Variants in KIF27 observed in about 807,000 individuals in gnomAD.
KIF27 encodes kinesin family member 27.
In KIF27, 84 loss-of-function variants were observed where a neutral mutation model predicts 141.8. The ratio of observed to expected loss-of-function variants is 0.59; its 90% CI spans 0.50 to 0.71. The LOEUF is 0.71. KIF27 is among the 30% of genes least tolerant of loss of function. The pLI is 0.00. For synonymous variants in KIF27, 471 were observed against 569.5 expected (o/e 0.83, Z 2.46); for missense variants, 1,306 against 1,628.4 (o/e 0.80, Z 3.41).
intron 3 of KIF27, among the ~76,000 whole-genome samples, chr9:83,905,192 C>T (rs1954383854): frequency 6.6e-6 from 1 of 151,766 alleles, no homozygotes; most frequent in Admixed American, 6.6e-5. Context: ...AATCTCAGCT[C>T]ACTGCAAGCT....
chr9:83,907,503 T>A (rs998952147), intron 3 of KIF27, among the ~76,000 whole-genome samples: 2 of 152,034 alleles, frequency 1.3e-5, no homozygotes, highest in Non-Finnish European at 2.9e-5. Flanking sequence ...CAGAAAAGCA[T>A]AAATTGTTAT....
At chr9:83,851,539 G>A (rs1484739948) in intron 15 of KIF27, among the ~76,000 whole-genome samples, 2 of 152,068 alleles carry the variant, frequency 1.3e-5, no homozygotes, top group Non-Finnish European at 2.9e-5. Context: ...AAATATTTTC[G>A]TAGAGACGGT....
At chr9:83,887,559 T>C (rs946736064) in intron 8 of KIF27, among the ~76,000 whole-genome samples, 5 of 152,152 alleles carry the variant, frequency 3.3e-5, no homozygotes, top group African/African-American at 7.2e-5. Flanking sequence ...TTTACTGTAA[T>C]TGGAGAATGC....
At chr9:83,919,995 G>A (rs1767684522) in intron 1 of KIF27, among the ~76,000 whole-genome samples, 1 of 151,918 alleles carries the variant, frequency 6.6e-6, no homozygotes, top group Admixed American at 6.6e-5. Context: ...ACTTTGGGAG[G>A]CCAAGGCAGG....
intron 2 of KIF27, among the ~76,000 whole-genome samples, chr9:83,911,568 G>C (rs1955171668): frequency 6.6e-6 from 1 of 152,070 alleles, no homozygotes; most frequent in Non-Finnish European, 1.5e-5. Context: ...CTCTGAGACA[G>C]AGTCTTGCTC....
intron 11 of KIF27, 171 bp downstream of exon 11, chr9:83,880,126 G>A (rs397835020): frequency 1.9e-5 from 17 of 913,914 alleles, no homozygotes; most frequent in Non-Finnish European, 2.4e-5. Flanking sequence ...AATTCAATAA[G>A]TAGGTTTTAC....
At chr9:83,919,957 C>T (rs1358949742) in intron 1 of KIF27, among the ~76,000 whole-genome samples, 1 of 151,558 alleles carries the variant, frequency 6.6e-6, no homozygotes, top group Non-Finnish European at 1.5e-5. Flanking sequence ...TGGGGCCGGG[C>T]ACAGTGGTTC....
At position 83,859,739 on chromosome 9, in the gene KIF27, C is replaced by G. The variant is rs373087568; in HGVS notation, c.2935-368G>C. ...GTAGAGACAGGGTTTTACCATGTTG[C>G]CCAGGCTGGTCTCGAACTCCTGACC... is the stretch of plus-strand genomic sequence containing the variant. On this transcript the variant is annotated intron_variant, in intron 13 of 17. Transcript: ENST00000297814. 195 of 197,558 alleles carry G rather than the reference C, an allele frequency of 9.9e-4. 1 individual carries two copies. The East Asian group carries it at 0.011, about 11-fold the overall frequency. 12.2% of individuals were successfully genotyped at this position (197,558 alleles called of 1,614,324 possible). A position where few individuals can be genotyped will look rare whatever the true frequency, so the allele number is the denominator to read the frequency against.
At chr9:83,870,660 T>C in intron 11 of KIF27, 28 bp from the exon 12 acceptor site, 1 of 1,611,628 alleles carries the variant, frequency 6.2e-7, no homozygotes, top group Non-Finnish European at 8.5e-7. Context: ...GAAAACACCT[T>C]ATTGCTTTTA....
chr9:83,866,732 T>C (rs1034428513), intron 13 of KIF27, among the ~76,000 whole-genome samples: 3 of 151,882 alleles, frequency 2.0e-5, no homozygotes, highest in Non-Finnish European at 4.4e-5. Context: ...AAAAACTAGC[T>C]GGGCATGGTG....
In KIF27 at chr9:83,836,478, G is replaced by A. The variant is rs1024618697; in HGVS notation, c.*523C>T. ...TAAAAAGTCAGGACTGACCGTTTCT[G>A]TGAGTTCTGAGGACTGTAAATGAGC... On this transcript the variant is annotated 3_prime_UTR_variant, in exon 18 of 18. Transcript: ENST00000297814. Among the ~76,000 whole-genome samples the A allele has an allele frequency of 1.3e-5, 2 of 152,128 alleles. No homozygotes were observed. Among genetic ancestry groups the A allele is most frequent in the African/African-American group, 2.4e-5 (1 of 41,424 alleles).
Position 83,898,235 on chromosome 9 carries a change from G to C in KIF27, c.1602+1426C>G, listed in dbSNP as rs531418129. 1.4e-4 allele frequency among the ~76,000 whole-genome samples: 22 copies of C among 152,066 alleles called. No individual in the cohort carries two copies. The South Asian group carries it at 3.9e-3, about 27-fold the overall frequency. On this transcript the variant is annotated intron_variant, in intron 5 of 17. Transcript: ENST00000297814. ...TAGTCATACAATAAAATCCTATGTA[G>C]CTATAAAACTAAACAAACCACAGTC...
intron 4 of KIF27, among the ~76,000 whole-genome samples, chr9:83,901,501 G>GA (rs1416904439): frequency 6.6e-6 from 1 of 152,178 alleles, no homozygotes; most frequent in African/African-American, 2.4e-5. Flanking sequence ...AAGCAGATAA[G>GA]AAAATCCAAC....
At chr9:83,913,312 A>G (rs1177417550) in intron 2 of KIF27, among the ~76,000 whole-genome samples, 1 of 152,242 alleles carries the variant, frequency 6.6e-6, no homozygotes, top group Non-Finnish European at 1.5e-5. Flanking sequence ...CTCAATAAAT[A>G]TTCACTGGAG....
intron 2 of KIF27, among the ~76,000 whole-genome samples, chr9:83,911,537 T>C (rs1187008882): frequency 1.3e-5 from 2 of 152,004 alleles, no homozygotes; most frequent in African/African-American, 2.4e-5. Flanking sequence ...CCCACTTTTA[T>C]GTGTTTGGTT....
At position 83,891,298 on chromosome 9, in the gene KIF27, C is replaced by A; in HGVS notation, c.1806G>T (p.Arg602Ser). Reference protein sequence around the residue: ...YIYIPSRQDSRKVHTSPPMYS... With the variant: ...YIYIPSRQDSSKVHTSPPMYS... ...GAAAAGATTGTTTGGACTTTACCTT[C>A]CTGGAATCTTGTCTTGATGGGATAT... is the stretch of plus-strand genomic sequence containing the variant. The change falls in exon 6 of 18, where the codon AGG (arginine) becomes AGT (serine). Residue 602 changes from arginine (R) to serine (S), a missense_variant. This residue lies in a region of KIF27 where 596 missense variants were observed against 751.6 expected (regional missense o/e 0.79). Transcript: ENST00000297814. The A allele has an allele frequency of 1.9e-6, 3 of 1,610,132 alleles. No individual in the cohort carries two copies. Among genetic ancestry groups the A allele is most frequent in the Non-Finnish European group, 2.5e-6 (3 of 1,178,236 alleles).
chr9:83,911,816 C>T (rs967718481), intron 2 of KIF27, among the ~76,000 whole-genome samples: 1 of 152,100 alleles, frequency 6.6e-6, no homozygotes, highest in African/African-American at 2.4e-5. Context: ...CAGAAGTGAG[C>T]CACCACGCCT....
At chr9:83,847,667 G>A (rs1206564324) in intron 16 of KIF27, 1 of 152,084 alleles carries the variant, frequency 6.6e-6, no homozygotes, top group Admixed American at 6.6e-5. Context: ...GAGTCAGTGG[G>A]CTGGGGAAGG....
Position 83,880,328 on chromosome 9 carries a change from G to C in KIF27, c.2612C>G (p.Ala871Gly). 1.2e-6 allele frequency: 2 copies of C among 1,613,722 alleles called. No homozygotes were observed. The highest frequency in any genetic ancestry group is 2.2e-5 in the South Asian group (2 of 91,066). Residue 871 changes from alanine to glycine, a missense_variant, in exon 11 of 18, where the codon GCA (alanine) becomes GGA (glycine). This residue lies in a region of KIF27 where 596 missense variants were observed against 751.6 expected (regional missense o/e 0.79). Transcript: ENST00000297814. ...TTTTTGCTGGTCCCGCTTAATTACT[G>C]CATCCAGTTGCTTCCTTTTTTCATT... Reference protein sequence around the residue: ...EENEKRKQLDAVIKRDQQKIK... With the variant: ...EENEKRKQLDGVIKRDQQKIK...
Sources: allele counts gnomAD v4.1 joint callset (sites outside exome capture counted in the v4.1 genomes callset), GRCh38; gene constraint gnomAD v4.1.1; regional missense constraint gnomAD v4.1.1; transcripts MANE v1.5; gene names NCBI Gene and HGNC (gene_info 2026-07-23, HGNC 2026-07-21).